The following CACNA1G variants were observed in gnomAD, a reference collection of about 807,000 sequenced individuals.
The protein encoded by CACNA1G is voltage-dependent T-type calcium channel subunit alpha-1G.
Under a neutral mutation model 219.4 loss-of-function variants are expected in CACNA1G, and 67 were observed. The ratio of observed to expected loss-of-function variants is 0.31; its 90% CI spans 0.25 to 0.37. The LOEUF (loss-of-function observed/expected upper bound fraction) is 0.37. CACNA1G is among the 10% of genes least tolerant of loss of function. The probability of loss-of-function intolerance (pLI) is 1.00; values close to 1 mark genes in which losing one functional copy is unlikely to be tolerated. For synonymous variants in CACNA1G, 1,296 were observed against 1,345.3 expected, an observed-to-expected ratio of 0.96 and a Z score of 0.80; for missense variants, 2,380 against 3,231.4, an observed-to-expected ratio of 0.74 and a Z score of 6.39.
intron 1 of CACNA1G, among the ~76,000 whole-genome samples, chr17:50,565,386 G>A (rs1418586208): frequency 1.4e-5 from 2 of 143,128 alleles, no homozygotes; most frequent in Admixed American, 6.9e-5. Context: ...GTGGGGTGGG[G>A]CGGGGGGTTC....
intron 1 of CACNA1G, among the ~76,000 whole-genome samples, chr17:50,562,607 G>A (rs536580968): frequency 6.6e-6 from 1 of 152,214 alleles, no homozygotes; most frequent in Admixed American, 6.5e-5. Context: ...ATGGGGTTAA[G>A]CTGGTCCAGG....
At chr17:50,585,167 A>T (rs979718379) in intron 9 of CACNA1G, among the ~76,000 whole-genome samples, 2 of 152,060 alleles carry the variant, frequency 1.3e-5, no homozygotes, top group East Asian at 3.9e-4. Context: ...ATTTTAAGAG[A>T]TGGAATCCTG....
intron 13 of CACNA1G, among the ~76,000 whole-genome samples, chr17:50,592,618 G>C (rs143725943): frequency 6.6e-6 from 1 of 152,178 alleles, no homozygotes; most frequent in Non-Finnish European, 1.5e-5. Context: ...TCCAGCCCAG[G>C]CTCCATCACC....
rs2041222432 is a variant in CACNA1G, at chr17:50,578,609, C to T, written c.2301+45C>T. 6.6e-7 allele frequency: 1 copy of T among 1,514,848 alleles called. No individual in the cohort carries two copies. The highest frequency in any genetic ancestry group is 8.8e-7 in the Non-Finnish European group (1 of 1,131,218). 93.8% of individuals were successfully genotyped at this position (1,514,848 alleles called of 1,614,324 possible). Reference sequence around the variant, plus strand: ...CAGGGCTCCTGCCAGCTGCTTTTCGCCTGGGGCTGGGGCCTTCTACCTCCC... The same window carrying T: ...CAGGGCTCCTGCCAGCTGCTTTTCGTCTGGGGCTGGGGCCTTCTACCTCCC... On this transcript the variant is annotated intron_variant, in intron 9 of 37. Transcript: ENST00000359106. This position sits in a 1 kb window ranked among gnomAD's most constrained non-coding sequence, Gnocchi z 4.5.
At chr17:50,577,460 G>A (rs1174374068) in intron 8 of CACNA1G, among the ~76,000 whole-genome samples, 2 of 147,938 alleles carry the variant, frequency 1.4e-5, no homozygotes, top group East Asian at 2.0e-4. Flanking sequence ...TCTAGTATGC[G>A]TGTATGCGTC....
intron 35 of CACNA1G, among the ~76,000 whole-genome samples, chr17:50,623,231 G>GATTAC (rs1352588435): frequency 6.9e-6 from 1 of 144,730 alleles, no homozygotes; most frequent in Non-Finnish European, 1.5e-5. Context: ...GAGTAGCTGG[G>GATTAC]ATTACAGGTG....
chr17:50,604,495 T>C (rs2047508623), intron 22 of CACNA1G, among the ~76,000 whole-genome samples: 1 of 152,240 alleles, frequency 6.6e-6, no homozygotes. Context: ...GGACCGGGGC[T>C]GCCGAGAGGC....
At chr17:50,614,979 T>C (rs965243515) in intron 26 of CACNA1G, among the ~76,000 whole-genome samples, 2 of 152,252 alleles carry the variant, frequency 1.3e-5, no homozygotes, top group Non-Finnish European at 2.9e-5. Flanking sequence ...GCGCGTCCTC[T>C]GAGCCTGAGG....
intron 36 of CACNA1G, 36 bp from the exon 37 acceptor site, chr17:50,624,324 T>TCCCCCCCCCCCCCCCCCCCCAGCCCCC: frequency 8.5e-7 from 1 of 1,177,660 alleles, no homozygotes; most frequent in Non-Finnish European, 1.2e-6. Context: ...CTCCATTCTC[T>TCCCCCCCCCCCCCCCCCCCCAGCCCCC]CCCCCCACCC....
intron 22 of CACNA1G, among the ~76,000 whole-genome samples, chr17:50,605,023 A>G (rs1382485619): frequency 2.0e-5 from 3 of 151,932 alleles, no homozygotes; most frequent in African/African-American, 7.3e-5. Context: ...GACTTCCTAG[A>G]AATTCTCTAG....
At position 50,578,660 on chromosome 17, in the gene CACNA1G, C is replaced by G; in HGVS notation, c.2301+96C>G. 7.8e-7 allele frequency: 1 copy of G among 1,277,578 alleles called. No individual in the cohort carries two copies. Among genetic ancestry groups the G allele is most frequent in the Non-Finnish European group, 1.1e-6 (1 of 942,006 alleles). The allele number at this position is 1,277,578 out of a possible 1,614,324, so 79.1% of individuals were successfully genotyped here. On this transcript the variant is annotated intron_variant, in intron 9 of 37. Coordinates refer to ENST00000359106, the MANE Select transcript of CACNA1G (RefSeq NM_018896.5). This position sits in a 1 kb window ranked among gnomAD's most constrained non-coding sequence, Gnocchi z 4.5. ...TCCGCACCCCTCCTCCTGAGCTCAG[C>G]TTCCTCTCCATGCTGCTAGCCCACC...
chr17:50,571,787 TG>T lies in CACNA1G; in HGVS notation c.587-89del. The T allele has an allele frequency of 7.0e-7, 1 of 1,420,684 alleles. No homozygotes were observed. 88.0% of individuals were successfully genotyped at this position (1,420,684 alleles called of 1,614,324 possible). ...CGGGCCGTCTCAGCCTCAGAGTCCC[TG>T]GTGGGGCCCCTCCGGGAGTGCTGCC... On this transcript the variant is annotated intron_variant, in intron 4 of 37. Transcript: ENST00000359106. This position sits in a 1 kb window ranked among gnomAD's most constrained non-coding sequence, Gnocchi z 4.3.
intron 26 of CACNA1G, among the ~76,000 whole-genome samples, chr17:50,610,290 T>C (rs1028858091): frequency 6.6e-6 from 1 of 152,194 alleles, no homozygotes; most frequent in Non-Finnish European, 1.5e-5. Flanking sequence ...TCCTTTTGTC[T>C]GAGGGGAGAC....
rs1203331730 is a variant in CACNA1G, at chr17:50,578,767, G to T, written c.2301+203G>T. Among the ~76,000 whole-genome samples, 1 of 152,180 alleles carries T rather than the reference G, an allele frequency of 6.6e-6. No individual in the cohort carries two copies. The highest frequency in any genetic ancestry group is 2.4e-5 in the African/African-American group (1 of 41,426). On this transcript the variant is annotated intron_variant, in intron 9 of 37. Transcript: ENST00000359106. This position sits in a 1 kb window ranked among gnomAD's most constrained non-coding sequence, Gnocchi z 4.5. ...AGTGCTTAAAGTCTCTGAGTATGGA[G>T]GTCGCCTCAGGTAGGCCACAGGGTA...
In CACNA1G at chr17:50,626,504, G is replaced by C; in HGVS notation, c.6887G>C (p.Gly2296Ala). The C allele has an allele frequency of 6.3e-7, 1 of 1,581,152 alleles. No homozygotes were observed. Among genetic ancestry groups the C allele is most frequent in the Non-Finnish European group, 8.6e-7 (1 of 1,165,300 alleles). ...DPSNLGGQPL[G>A]GPGSRPKKKL... is the part of the protein sequence containing the mutation. ...TCTAACCTTGGGGGCCAGCCTCTTG[G>C]GGGGCCTGGGAGCCGGCCCAAGAAA... Residue 2296 changes from glycine to alanine, a missense_variant, in exon 38 of 38, where the codon GGG (glycine) becomes GCG (alanine). Around this residue, in one of 17 missense-constraint regions of CACNA1G, gnomAD observed 672 missense variants for 670.5 expected, o/e 1.00. Transcript: ENST00000359106. This position sits in a 1 kb window ranked among gnomAD's most constrained non-coding sequence, Gnocchi z 4.3.
At chr17:50,574,572 A>AC in intron 7 of CACNA1G, among the ~76,000 whole-genome samples, 1 of 150,818 alleles carries the variant, frequency 6.6e-6, no homozygotes, top group Non-Finnish European at 1.5e-5. Flanking sequence ...TGCCCCCCCC[A>AC]CCCCCACTCC....
At position 50,621,121 on chromosome 17, in the gene CACNA1G, G is replaced by T. The variant is rs1287639676; in HGVS notation, c.5926-539G>T. Among the ~76,000 whole-genome samples the T allele has an allele frequency of 6.6e-6, 1 of 152,220 alleles. No individual in the cohort carries two copies. The highest frequency in any genetic ancestry group is 1.5e-5 in the Non-Finnish European group (1 of 68,032). ...CACGAGGGGAGAAGCCAGAATCTGG[G>T]GGCAGGCCAAGTCCTGCCAGGCTGT... is the stretch of plus-strand genomic sequence containing the variant. On this transcript the variant is annotated intron_variant, in intron 34 of 37. Transcript: ENST00000359106. This position sits in a 1 kb window ranked among gnomAD's most constrained non-coding sequence, Gnocchi z 4.6.
rs766204755 is a variant in CACNA1G at position 50,569,165 on chromosome 17, G to A, written c.355G>A (p.Ala119Thr). ...CDSQRCRILQ[A>T]FDDFIFAFFA... ...CAGCCACCTCTTGTCCCCACATCAG[G>A]CCTTTGATGACTTCATCTTTGCCTT... The change falls in exon 3 of 38, where the codon GCC (alanine) becomes ACC (threonine). Residue 119 changes from alanine (A) to threonine (T), a missense_variant and splice_region_variant. Around this residue, in one of 17 missense-constraint regions of CACNA1G, gnomAD observed 64 missense variants for 103.7 expected, o/e 0.62. Transcript: ENST00000359106. 5.0e-6 allele frequency: 8 copies of A among 1,613,650 alleles called. No individual in the cohort carries two copies. The highest frequency in any genetic ancestry group is 6.8e-6 in the Non-Finnish European group (8 of 1,179,738).
intron 33 of CACNA1G, 129 bp from the exon 34 acceptor site, chr17:50,619,554 G>T: frequency 9.9e-6 from 7 of 703,908 alleles, no homozygotes; most frequent in Non-Finnish European, 1.6e-5. Context: ...ATGTGCATGT[G>T]TGTTGTCTGG....
Sources: gnomAD v4.1 joint callset for allele counts (sites outside exome capture counted in the v4.1 genomes callset) on GRCh38, gnomAD v4.1.1 for gene constraint, gnomAD v4.1.1 regional missense constraint, Gnocchi (gnomAD v3.1) non-coding constraint, MANE v1.5 for transcripts, NCBI Gene and HGNC (gene_info 2026-07-23, HGNC 2026-07-21) for gene names.